The following MALRD1 variants were observed in gnomAD, a reference collection of about 807,000 sequenced individuals.
The protein encoded by MALRD1 is MAM and LDL-receptor class A domain-containing protein 1.
MALRD1 carries 247 observed loss-of-function variants against 242.1 expected under a neutral mutation model. That is an observed-to-expected ratio of 1.02 (90% confidence interval 0.92 to 1.13). The LOEUF is 1.13. Among genes scored for constraint, MALRD1 ranks in the 50% most tolerant of loss-of-function variants. The pLI is 0.00. For missense variants in MALRD1, 2,989 were observed against 2,533.1 expected (o/e 1.18, Z -3.86); for synonymous variants, 995 against 866.6 (o/e 1.15, Z -2.60).
chr10:19,191,785 G>T (rs181166872), intron 14 of MALRD1, among the ~76,000 whole-genome samples: 2 of 152,110 alleles, frequency 1.3e-5, no homozygotes, highest in Non-Finnish European at 2.9e-5. Flanking sequence ...ATCACCTGAG[G>T]TCAGGAGTTT....
intron 38 of MALRD1, among the ~76,000 whole-genome samples, chr10:19,706,205 C>T (rs1833858495): frequency 6.6e-6 from 1 of 152,186 alleles, no homozygotes. Context: ...ACGATGAACA[C>T]AGCTAGAGAC....
At chr10:19,183,859 T>C (rs1314127675) in intron 14 of MALRD1, among the ~76,000 whole-genome samples, 1 of 152,192 alleles carries the variant, frequency 6.6e-6, no homozygotes, top group Admixed American at 6.5e-5. Flanking sequence ...TATTATGATA[T>C]AAAAGTGCAG....
At chr10:19,388,945 A>G (rs1846211624) in intron 27 of MALRD1, among the ~76,000 whole-genome samples, 2 of 152,054 alleles carry the variant, frequency 1.3e-5, no homozygotes, top group South Asian at 2.1e-4. Flanking sequence ...GTCTCATTCA[A>G]ACACTCAGCT....
Position 19,426,539 on chromosome 10 carries a change from C to T in MALRD1, c.4846-23768C>T, listed in dbSNP as rs966915782. On this transcript the variant is annotated intron_variant, in intron 28 of 39. Transcript: ENST00000454679. ...AGCTTTGGCTGGGCACGGTGGCTCACGCTTGTAATCCCAGCACTTTGGGAG... is the reference window on the plus strand; with the variant it reads ...AGCTTTGGCTGGGCACGGTGGCTCATGCTTGTAATCCCAGCACTTTGGGAG... 4.6e-5 allele frequency among the ~76,000 whole-genome samples: 7 copies of T among 152,238 alleles called. No individual in the cohort carries two copies. The South Asian group carries it at 1.0e-3, about 23-fold the overall frequency.
intron 26 of MALRD1, among the ~76,000 whole-genome samples, chr10:19,385,224 C>T (rs1366430382): frequency 1.3e-5 from 2 of 151,762 alleles, no homozygotes; most frequent in Admixed American, 1.3e-4. Flanking sequence ...TAGTTTTCTC[C>T]TTTTGTAGTG....
intron 36 of MALRD1, among the ~76,000 whole-genome samples, chr10:19,668,142 G>T (rs1343437107): frequency 6.6e-6 from 1 of 152,154 alleles, no homozygotes; most frequent in African/African-American, 2.4e-5. Flanking sequence ...AATTTAGGGA[G>T]ATACAAACGT....
At chr10:19,419,487 G>C (rs12254906) in intron 28 of MALRD1, among the ~76,000 whole-genome samples, 8,678 of 151,990 alleles carry the variant, frequency 0.057, 306 homozygotes, top group African/African-American at 0.071. Context: ...GTTGTTATTA[G>C]AGATGGGGTT....
chr10:19,385,946 TTAAC>T (rs1267875282), intron 26 of MALRD1, among the ~76,000 whole-genome samples: 2 of 152,086 alleles, frequency 1.3e-5, no homozygotes, highest in African/African-American at 4.8e-5. Flanking sequence ...ATATTAATAA[TTAAC>T]CAAAAAAATT....
At chr10:19,423,895 C>G (rs559271240) in intron 28 of MALRD1, among the ~76,000 whole-genome samples, 1 of 152,136 alleles carries the variant, frequency 6.6e-6, no homozygotes, top group Non-Finnish European at 1.5e-5. Flanking sequence ...AAGAGGCTGA[C>G]TCAAATGTCA....
intron 27 of MALRD1, among the ~76,000 whole-genome samples, chr10:19,388,995 A>G (rs1846215525): frequency 6.6e-6 from 1 of 152,168 alleles, no homozygotes; most frequent in Non-Finnish European, 1.5e-5. Flanking sequence ...AATGTGCAAG[A>G]ACAAAACTGA....
At chr10:19,311,121 C>A (rs959602836) in intron 21 of MALRD1, among the ~76,000 whole-genome samples, 1 of 151,400 alleles carries the variant, frequency 6.6e-6, no homozygotes, top group Non-Finnish European at 1.5e-5. Flanking sequence ...GATACAGTAA[C>A]AATAATAACA....
chr10:19,283,013 T>A lies in MALRD1; in HGVS notation c.3257-6T>A, dbSNP rs1240907527. The A allele has an allele frequency of 6.5e-7, 1 of 1,536,270 alleles. No homozygotes were observed. Among genetic ancestry groups the A allele is most frequent in the Non-Finnish European group, 8.8e-7 (1 of 1,138,550 alleles). On this transcript the variant is annotated splice_region_variant and splice_polypyrimidine_tract_variant and intron_variant, in intron 20 of 39. Coordinates refer to ENST00000454679, the MANE Select transcript of MALRD1 (RefSeq NM_001142308.3). ...CTCACCTTTTCTTTGTTCTACCCCA[T>A]CCAAGTTATGGAAGTTTGCAGCTTT... is the stretch of plus-strand genomic sequence containing the variant.
At chr10:19,515,802 T>C (rs1046179936) in intron 31 of MALRD1, among the ~76,000 whole-genome samples, 1 of 152,148 alleles carries the variant, frequency 6.6e-6, no homozygotes, top group Non-Finnish European at 1.5e-5. Flanking sequence ...TCTCTTGACC[T>C]CGTGATCTGC....
rs937027896 is a variant in MALRD1, at chr10:19,283,139, A to G, written c.3377A>G (p.His1126Arg). 16 of 1,549,350 alleles carry G rather than the reference A, an allele frequency of 1.0e-5. No homozygotes were observed. The Admixed American group carries it at 2.4e-4, about 23-fold the overall frequency. Residue 1126 changes from histidine (H) to arginine (R), a missense_variant, in exon 21 of 40, where the codon CAT becomes CGT. Transcript: ENST00000454679. ...RWGLGNGISI[H>R]HGEENHRPSV... ...GGGCTTGGGAACGGGATCAGCATTC[A>G]TCATGGGGAAGAAAACCACAGGCCA...
intron 5 of MALRD1, among the ~76,000 whole-genome samples, chr10:19,114,954 T>C (rs1836818294): frequency 6.6e-6 from 1 of 152,182 alleles, no homozygotes; most frequent in African/African-American, 2.4e-5. Flanking sequence ...CCATATTGGA[T>C]TAGGGCCACC....
At chr10:19,380,277 CTT>C (rs11449066) in intron 26 of MALRD1, among the ~76,000 whole-genome samples, 7,874 of 140,622 alleles carry the variant, frequency 0.056, 425 homozygotes, top group African/African-American at 0.14. Flanking sequence ...GGCCAGCCTT[CTT>C]TTTTTTTTTT....
chr10:19,364,849 T>G (rs1026918447), intron 26 of MALRD1, among the ~76,000 whole-genome samples: 2 of 152,128 alleles, frequency 1.3e-5, no homozygotes, highest in African/African-American at 4.8e-5. Context: ...TCTATCATTG[T>G]TCCAAGAAAA....
chr10:19,582,598 C>T (rs941895218), intron 33 of MALRD1, among the ~76,000 whole-genome samples: 6 of 138,180 alleles, frequency 4.3e-5, no homozygotes, highest in African/African-American at 1.6e-4. Context: ...GTTTTGGTAC[C>T]AGTACCACGC....
chr10:19,379,079 T>G (rs775332877), intron 26 of MALRD1, among the ~76,000 whole-genome samples: 2 of 152,158 alleles, frequency 1.3e-5, no homozygotes, highest in Non-Finnish European at 2.9e-5. Flanking sequence ...GTCAAGTTTA[T>G]TGTTATAAAC....
Sources: gnomAD v4.1 joint callset for allele counts (sites outside exome capture counted in the v4.1 genomes callset) on GRCh38, gnomAD v4.1.1 for gene constraint, MANE v1.5 for transcripts, NCBI Gene and HGNC (gene_info 2026-07-23, HGNC 2026-07-21) for gene names.